Variants in HBS1L observed in about 807,000 individuals in gnomAD.
The protein encoded by HBS1L is HBS1-like protein.
HBS1L carries 55 observed loss-of-function variants against 88.9 expected under a neutral mutation model. The observed-to-expected ratio is 0.62, with a 90% CI of 0.50 to 0.77. The LOEUF (loss-of-function observed/expected upper bound fraction) is 0.77, where lower values mean the gene tolerates loss of function less well. Among genes scored for constraint, HBS1L ranks in the 30% least tolerant of loss-of-function variants. The probability of loss-of-function intolerance (pLI) is 0.00; values close to 1 mark genes in which losing one functional copy is unlikely to be tolerated. For missense variants in HBS1L, 741 were observed against 829.3 expected, an observed-to-expected ratio of 0.89 and a Z score of 1.31; for synonymous variants, 267 against 288.5, an observed-to-expected ratio of 0.93 and a Z score of 0.76.
At chr6:134,966,282 G>C (rs766929848) in intron 17 of HBS1L, 47 bp downstream of exon 17, 2 of 1,489,186 alleles carry the variant, frequency 1.3e-6, no homozygotes, top group Admixed American at 4.1e-5. Context: ...AAAAAGAAAA[G>C]GCATCATAAC....
At chr6:135,042,229 A>ATAGT (rs1776762394) in intron 2 of HBS1L, 103 bp from the exon 3 acceptor site, 2 of 975,560 alleles carry the variant, frequency 2.1e-6, no homozygotes, top group African/African-American at 3.3e-5. Flanking sequence ...TCAATCACCT[A>ATAGT]TAGTTACCCA....
intron 4 of HBS1L, chr6:135,037,728 TCTGA>T (rs768811298): frequency 7.7e-5 from 120 of 1,551,098 alleles, no homozygotes; most frequent in Non-Finnish European, 1.0e-4. Flanking sequence ...TAGATGATAA[TCTGA>T]CTGATGGCTG....
At chr6:135,001,933 T>C (rs1256212770) in intron 5 of HBS1L, among the ~76,000 whole-genome samples, 1 of 151,242 alleles carries the variant, frequency 6.6e-6, no homozygotes, top group East Asian at 1.9e-4. Context: ...AAAATATAAC[T>C]TGGGAAAAGA....
chr6:135,001,498 T>A (rs1775458474), intron 5 of HBS1L, among the ~76,000 whole-genome samples: 1 of 152,080 alleles, frequency 6.6e-6, no homozygotes, highest in Non-Finnish European at 1.5e-5. Flanking sequence ...TCTCTCTCTG[T>A]ATGTAAAAAT....
At chr6:134,986,980 C>G (rs913259230) in intron 9 of HBS1L, among the ~76,000 whole-genome samples, 170 bp from the exon 10 acceptor site, 2 of 152,050 alleles carry the variant, frequency 1.3e-5, no homozygotes, top group African/African-American at 4.8e-5. Flanking sequence ...AAAAGTAATT[C>G]TTCCTCAAAA....
At chr6:134,980,351 C>T (rs1583067784) in intron 13 of HBS1L, among the ~76,000 whole-genome samples, 1 of 152,014 alleles carries the variant, frequency 6.6e-6, no homozygotes, top group East Asian at 1.9e-4. Context: ...GAAAAGAAGG[C>T]ATAACTTTCT....
intron 13 of HBS1L, among the ~76,000 whole-genome samples, chr6:134,981,838 G>A (rs1358967941): frequency 6.6e-6 from 1 of 151,722 alleles, no homozygotes; most frequent in Non-Finnish European, 1.5e-5. Context: ...ATATATATGT[G>A]TGTATATATT....
chr6:135,024,166 C>T (rs1297477731), intron 4 of HBS1L, among the ~76,000 whole-genome samples: 2 of 152,056 alleles, frequency 1.3e-5, no homozygotes, highest in Non-Finnish European at 2.9e-5. Flanking sequence ...ATGGGCCGGG[C>T]ACAGTGGCTC....
At chr6:135,008,792 T>G (rs529746649) in intron 4 of HBS1L, among the ~76,000 whole-genome samples, 1 of 152,190 alleles carries the variant, frequency 6.6e-6, no homozygotes, top group East Asian at 1.9e-4. Flanking sequence ...ACACTCATTA[T>G]CAGAATACTA....
In HBS1L at chr6:135,050,603, A is replaced by C; in HGVS notation, c.88T>G (p.Tyr30Asp). Residue 30 changes from tyrosine to aspartate, a missense_variant, in exon 2 of 18, where the codon TAT becomes GAT. Physicochemically the swap from Tyr to Asp is radical, Grantham distance 160 (BLOSUM62 -3). Around this residue, in one of 3 missense-constraint regions of HBS1L, gnomAD observed 556 missense variants for 598.4 expected, o/e 0.93. Coordinates refer to ENST00000367837, the MANE Select transcript of HBS1L (RefSeq NM_006620.4). The part of the protein sequence containing the change: ...DLYGQSVEDD[Y>D]CISPSTAAQF... ...TCACCTGTTGACGGCGAAATACAAT[A>C]ATCATCCTCTACAGACTGGCCGTAG... The C allele has an allele frequency of 1.3e-6, 2 of 1,596,132 alleles. No homozygotes were observed. The highest frequency in any genetic ancestry group is 1.7e-6 in the Non-Finnish European group (2 of 1,169,750).
intron 4 of HBS1L, among the ~76,000 whole-genome samples, chr6:135,011,116 T>A (rs1775760402): frequency 6.6e-6 from 1 of 152,150 alleles, no homozygotes. Flanking sequence ...ATACAGCATA[T>A]CATATATAAA....
intron 2 of HBS1L, among the ~76,000 whole-genome samples, chr6:135,042,674 C>T (rs1776777194): frequency 6.6e-6 from 1 of 151,624 alleles, no homozygotes; most frequent in Admixed American, 6.6e-5. Flanking sequence ...CTGGGCGTGG[C>T]AGTGGGCACC....
chr6:135,002,507 A>C (rs2114815711), intron 5 of HBS1L: 1 of 301,590 alleles, frequency 3.3e-6, no homozygotes, highest in South Asian at 7.7e-5. Flanking sequence ...TATTTATGTA[A>C]GAAAACTGGC....
intron 4 of HBS1L, chr6:135,038,138 T>C: frequency 6.5e-6 from 5 of 773,030 alleles, no homozygotes; most frequent in Non-Finnish European, 9.9e-6. Flanking sequence ...TAAATGCTTC[T>C]TTTGATTATG....
chr6:135,053,034 G>A (rs993172920), intron 1 of HBS1L, among the ~76,000 whole-genome samples: 9 of 152,138 alleles, frequency 5.9e-5, no homozygotes, highest in South Asian at 2.1e-4. Context: ...ACAAGAAAAG[G>A]GGATGAACCT....
chr6:135,013,675 G>T (rs886583996), intron 4 of HBS1L, among the ~76,000 whole-genome samples: 6 of 152,118 alleles, frequency 3.9e-5, no homozygotes, highest in African/African-American at 1.4e-4. Context: ...ATTCTACAGT[G>T]ATCTAAGAGC....
intron 4 of HBS1L, among the ~76,000 whole-genome samples, chr6:135,015,669 C>T (rs1276753790): frequency 6.8e-6 from 1 of 147,248 alleles, no homozygotes; most frequent in African/African-American, 2.4e-5. Flanking sequence ...GCAACCTCTG[C>T]CTCCCGGGTT....
Position 134,997,554 on chromosome 6 carries a change from T to C in HBS1L, c.642A>G (p.Lys214=). The C allele has an allele frequency of 6.2e-7, 1 of 1,614,078 alleles. No homozygotes were observed. The change falls in exon 6 of 18, where the codon AAA becomes AAG. Residue 214 remains lysine, a synonymous_variant. Transcript: ENST00000367837. The part of the protein sequence containing the change: ...ASSDVLETAS[K]SANPPHTIQA... Reference sequence around the variant, plus strand: ...GAATCGTGTGGGGTGGATTAGCAGATTTAGAAGCAGTCTCAAGAACATCGG... The same window carrying C: ...GAATCGTGTGGGGTGGATTAGCAGACTTAGAAGCAGTCTCAAGAACATCGG...
At chr6:135,052,837 C>G (rs1353939099) in intron 1 of HBS1L, among the ~76,000 whole-genome samples, 2 of 152,090 alleles carry the variant, frequency 1.3e-5, no homozygotes, top group Non-Finnish European at 2.9e-5. Context: ...TAAAGTATTA[C>G]ATAAATTACA....
Sources: allele counts gnomAD v4.1 joint callset (sites outside exome capture counted in the v4.1 genomes callset), GRCh38; gene constraint gnomAD v4.1.1; regional missense constraint gnomAD v4.1.1; transcripts MANE v1.5; gene names NCBI Gene and HGNC (gene_info 2026-07-23, HGNC 2026-07-21).